SKAP1: variants seen among roughly 807,000 people sequenced by gnomAD.
SKAP1 encodes the protein src kinase-associated phosphoprotein 1.
In SKAP1, 44 loss-of-function variants were observed where a neutral mutation model predicts 58.5. The observed-to-expected ratio is 0.75, with a 90% confidence interval of 0.59 to 0.97. SKAP1 has a LOEUF of 0.97. Ranked by LOEUF, SKAP1 falls within the 50% of genes least tolerant of loss-of-function variation. The probability of loss-of-function intolerance (pLI) is 0.00; values close to 1 mark genes in which losing one functional copy is unlikely to be tolerated. For synonymous variants in SKAP1, 127 were observed against 149.7 expected (o/e 0.85, Z 1.11); for missense variants, 390 against 435.2 (o/e 0.90, Z 0.92).
intron 2 of SKAP1, among the ~76,000 whole-genome samples, chr17:48,392,855 C>CAA (rs71366868): frequency 0.015 from 2,078 of 140,338 alleles, 19 homozygotes; most frequent in African/African-American, 0.023. Context: ...GACTCGGTCT[C>CAA]AAAAAAAATA....
intron 4 of SKAP1, among the ~76,000 whole-genome samples, chr17:48,312,625 A>T (rs1474041687): frequency 2.0e-5 from 3 of 152,208 alleles, no homozygotes; most frequent in Admixed American, 6.5e-5. Context: ...CATGCATTAA[A>T]AGAGAGAATA....
intron 4 of SKAP1, among the ~76,000 whole-genome samples, chr17:48,267,205 C>T (rs1157022822): frequency 6.6e-6 from 1 of 151,960 alleles, no homozygotes; most frequent in Non-Finnish European, 1.5e-5. Context: ...CCTTTTTTAG[C>T]TTTAAGTGAA....
intron 4 of SKAP1, among the ~76,000 whole-genome samples, chr17:48,329,854 G>A (rs1414722351): frequency 6.6e-6 from 1 of 152,144 alleles, no homozygotes. Flanking sequence ...ACTTGGGCAG[G>A]TTAATTTTTC....
intron 4 of SKAP1, among the ~76,000 whole-genome samples, chr17:48,248,287 T>G (rs1944064040): frequency 6.6e-6 from 1 of 152,114 alleles, no homozygotes; most frequent in Non-Finnish European, 1.5e-5. Flanking sequence ...TAGGGGAGGA[T>G]GGGCACAGGT....
chr17:48,249,875 C>G (rs1300600952), intron 4 of SKAP1, among the ~76,000 whole-genome samples: 2 of 151,952 alleles, frequency 1.3e-5, no homozygotes, highest in African/African-American at 4.8e-5. Flanking sequence ...GTAGACCTAA[C>G]AGCACTGATA....
intron 4 of SKAP1, chr17:48,196,862 G>A (rs576432759): frequency 6.6e-6 from 1 of 152,270 alleles, no homozygotes; most frequent in Non-Finnish European, 1.5e-5. Context: ...AAATCCAAGA[G>A]GTCAAAAGAG....
At chr17:48,198,591 C>G (rs962750661) in intron 4 of SKAP1, among the ~76,000 whole-genome samples, 1 of 151,694 alleles carries the variant, frequency 6.6e-6, no homozygotes, top group Admixed American at 6.6e-5. Flanking sequence ...TATGCTACAG[C>G]CTATAGTGAT....
At chr17:48,176,621 A>G (rs1341536771) in intron 9 of SKAP1, among the ~76,000 whole-genome samples, 1 of 152,184 alleles carries the variant, frequency 6.6e-6, no homozygotes, top group African/African-American at 2.4e-5. Flanking sequence ...TCCACCAGAT[A>G]CCAACCTTGA....
intron 4 of SKAP1, among the ~76,000 whole-genome samples, chr17:48,235,944 C>T (rs2065175641): frequency 6.6e-6 from 1 of 152,094 alleles, no homozygotes; most frequent in Admixed American, 6.6e-5. Flanking sequence ...GAGAAATGAT[C>T]CATTGATTTA....
chr17:48,283,367 A>G (rs1221689594), intron 4 of SKAP1, among the ~76,000 whole-genome samples: 1 of 152,260 alleles, frequency 6.6e-6, no homozygotes, highest in Non-Finnish European at 1.5e-5. Flanking sequence ...GCAGCATAGC[A>G]TAGTGCTTAA....
intron 4 of SKAP1, among the ~76,000 whole-genome samples, chr17:48,200,260 G>A (rs896796573): frequency 2.6e-5 from 4 of 151,846 alleles, no homozygotes; most frequent in African/African-American, 9.7e-5. Flanking sequence ...TCATGACACT[G>A]CACTCCAGCC....
At chr17:48,218,421 C>T (rs2064965505) in intron 4 of SKAP1, among the ~76,000 whole-genome samples, 1 of 152,188 alleles carries the variant, frequency 6.6e-6, no homozygotes. Context: ...CATGAAACCT[C>T]TAGTTATCAA....
chr17:48,144,030 CCTGCCGA>C (rs898007113), intron 11 of SKAP1, among the ~76,000 whole-genome samples: 26 of 152,228 alleles, frequency 1.7e-4, no homozygotes, highest in African/African-American at 5.5e-4. Context: ...GAACACTGAC[CCTGCCGA>C]CTGCAGATGT....
intron 4 of SKAP1, among the ~76,000 whole-genome samples, chr17:48,209,135 A>G (rs1195335813): frequency 6.6e-6 from 1 of 152,222 alleles, no homozygotes; most frequent in African/African-American, 2.4e-5. Context: ...AGGCAGGAAC[A>G]GAAGGAATTA....
chr17:48,285,608 C>T (rs34246566), intron 4 of SKAP1, among the ~76,000 whole-genome samples: 30,293 of 145,976 alleles, frequency 0.21, 3,088 homozygotes, highest in Admixed American at 0.23. Flanking sequence ...GAGCAAGACT[C>T]CATCTGAAAA....
intron 4 of SKAP1, among the ~76,000 whole-genome samples, chr17:48,317,145 A>C (rs1189081429): frequency 6.6e-6 from 1 of 152,106 alleles, no homozygotes; most frequent in African/African-American, 2.4e-5. Context: ...GCTCAGACGG[A>C]TGTTCATGGG....
At chr17:48,313,350 G>T (rs1225908809) in intron 4 of SKAP1, among the ~76,000 whole-genome samples, 1 of 152,076 alleles carries the variant, frequency 6.6e-6, no homozygotes, top group Admixed American at 6.5e-5. Flanking sequence ...TTCTTTGCAA[G>T]GTGAAGGCTA....
rs778102765 is a variant in SKAP1, at chr17:48,327,582, A to C, written c.280+18323T>G. ...ATCCATTTAAGTACAGGAATATTTG[A>C]CTCTGGAGTTTCCCACTGTCTGCAT... On this transcript the variant is annotated intron_variant, in intron 4 of 12. Transcript: ENST00000336915. 2.0e-4 allele frequency among the ~76,000 whole-genome samples: 30 copies of C among 151,952 alleles called. 1 individual carries two copies. The highest frequency in any genetic ancestry group is 1.3e-4 in the Admixed American group (2 of 15,272).
intron 4 of SKAP1, among the ~76,000 whole-genome samples, chr17:48,236,224 T>C (rs1341866733): frequency 6.6e-6 from 1 of 152,194 alleles, no homozygotes; most frequent in African/African-American, 2.4e-5. Context: ...TTTTAGGTAC[T>C]GGAGAGACAA....
Sources: allele counts gnomAD v4.1 joint callset (sites outside exome capture counted in the v4.1 genomes callset), GRCh38; gene constraint gnomAD v4.1.1; transcripts MANE v1.5; gene names NCBI Gene and HGNC (gene_info 2026-07-23, HGNC 2026-07-21).